The following UBE4B variants were observed in gnomAD, a reference collection of about 807,000 sequenced individuals.
UBE4B encodes the protein ubiquitin conjugation factor E4 B.
In UBE4B, 27 loss-of-function variants were observed where a neutral mutation model predicts 148.1. The observed-to-expected ratio is 0.18, with a 90% CI of 0.13 to 0.25. The LOEUF (loss-of-function observed/expected upper bound fraction) is 0.25. UBE4B is among the 10% of genes least tolerant of loss of function. The pLI, the probability that UBE4B is intolerant of heterozygous loss-of-function variation, is 1.00. For synonymous variants in UBE4B, 596 were observed against 619.3 expected, an observed-to-expected ratio of 0.96 and a Z score of 0.56; for missense variants, 1,170 against 1,662.4, an observed-to-expected ratio of 0.70 and a Z score of 5.15.
At chr1:10,084,475 G>A (rs926378063) in intron 2 of UBE4B, among the ~76,000 whole-genome samples, 3 of 151,912 alleles carry the variant, frequency 2.0e-5, no homozygotes, top group African/African-American at 7.3e-5. Context: ...ATAACCAGTA[G>A]AGATCGTGCC....
chr1:10,072,245 T>G (rs1644499673), intron 2 of UBE4B, 31 bp downstream of exon 2: 3 of 1,558,232 alleles, frequency 1.9e-6, no homozygotes, highest in African/African-American at 2.8e-5. Context: ...TGGGACTCTT[T>G]TGTAATTCTT....
chr1:10,037,015 A>G (rs1010329713), intron 1 of UBE4B, among the ~76,000 whole-genome samples: 3 of 152,080 alleles, frequency 2.0e-5, no homozygotes, highest in Non-Finnish European at 2.9e-5. Context: ...TAGATCACCT[A>G]GAATTCTTGT....
At chr1:10,067,432 C>T (rs1213585308) in intron 1 of UBE4B, among the ~76,000 whole-genome samples, 1 of 151,526 alleles carries the variant, frequency 6.6e-6, no homozygotes, top group African/African-American at 2.4e-5. Context: ...TAAAAAAGGA[C>T]TTTTGTTTAA....
At chr1:10,179,030 A>G (rs991591052) in intron 26 of UBE4B, 1 of 536,802 alleles carries the variant, frequency 1.9e-6, no homozygotes, top group Admixed American at 3.8e-5. Context: ...TTAAAGCCAG[A>G]TAACAACCCT....
rs751566433 is a variant in UBE4B, at chr1:10,153,020, G to C, written c.2926+1459G>C. Among the ~76,000 whole-genome samples, 89 of 151,966 alleles carry C rather than the reference G, an allele frequency of 5.9e-4. 1 individual carries two copies. The highest frequency in any genetic ancestry group is 1.1e-3 in the Non-Finnish European group (75 of 67,956). ...GGGTTGTGCACGGTTGCTAGCTCTG[G>C]GGGTACGAGACAAAGCTGAAAATTG... On this transcript the variant is annotated intron_variant, in intron 21 of 27. Coordinates refer to ENST00000343090, the MANE Select transcript of UBE4B (RefSeq NM_001105562.3).
chr1:10,159,204 T>G (rs1417312335), intron 22 of UBE4B, among the ~76,000 whole-genome samples: 1 of 152,160 alleles, frequency 6.6e-6, no homozygotes, highest in South Asian at 2.1e-4. Flanking sequence ...ATTTAAAGTA[T>G]CATTCTTTGT....
At chr1:10,086,686 G>T (rs976198248) in intron 2 of UBE4B, among the ~76,000 whole-genome samples, 2 of 151,922 alleles carry the variant, frequency 1.3e-5, no homozygotes, top group Non-Finnish European at 2.9e-5. Flanking sequence ...GTGGGATAAG[G>T]TTCCCTCTCT....
chr1:10,075,169 A>G (rs1391803223), intron 2 of UBE4B, among the ~76,000 whole-genome samples: 2 of 152,070 alleles, frequency 1.3e-5, no homozygotes, highest in African/African-American at 4.8e-5. Flanking sequence ...TCTGTAGCAC[A>G]AAAGCAGCCA....
intron 23 of UBE4B, among the ~76,000 whole-genome samples, chr1:10,164,066 C>T (rs1012257947): frequency 6.6e-6 from 1 of 151,778 alleles, no homozygotes; most frequent in African/African-American, 2.4e-5. Flanking sequence ...CTTGACCGGG[C>T]ACAGTGGCTC....
At chr1:10,138,006 C>T (rs566940001) in intron 17 of UBE4B, among the ~76,000 whole-genome samples, 3 of 139,744 alleles carry the variant, frequency 2.1e-5, no homozygotes, top group Non-Finnish European at 3.0e-5. Context: ...ACGATCTCAG[C>T]TCGGTGCAAC....
At chr1:10,047,104 C>T (rs1319474343) in intron 1 of UBE4B, among the ~76,000 whole-genome samples, 1 of 152,134 alleles carries the variant, frequency 6.6e-6, no homozygotes. Flanking sequence ...GTATCTGTGC[C>T]CATGCTGACC....
intron 2 of UBE4B, among the ~76,000 whole-genome samples, chr1:10,090,793 T>TTGTGTG (rs57486350): frequency 0.024 from 3,456 of 141,452 alleles, 62 homozygotes; most frequent in African/African-American, 0.047. Flanking sequence ...GCCTATGCAT[T>TTGTGTG]TGTGTGTGTG....
chr1:10,151,488 G>GT lies in UBE4B; in HGVS notation c.2859dup (p.Glu954Ter), dbSNP rs769362294. The GT allele has an allele frequency of 6.2e-7, 1 of 1,614,170 alleles. No homozygotes were observed. On this transcript the variant is annotated frameshift_variant, in exon 21 of 28. Transcript: ENST00000343090. LOFTEE classifies it high-confidence loss of function. ...CTGCTGTTCAGCCACGAACCCAGAA[G>GT]TTTTTTGAAATGATTGAGAACCATC... is the stretch of plus-strand genomic sequence containing the variant.
intron 2 of UBE4B, among the ~76,000 whole-genome samples, chr1:10,082,432 T>C (rs894035030): frequency 6.6e-6 from 1 of 151,890 alleles, no homozygotes; most frequent in Non-Finnish European, 1.5e-5. Flanking sequence ...ACCTGGGAAG[T>C]AGAGGTAGCA....
Position 10,039,752 on chromosome 1 carries a change from T to C in UBE4B, c.24+6058T>C, listed in dbSNP as rs1029634066. Among the ~76,000 whole-genome samples the C allele has an allele frequency of 4.3e-4, 65 of 152,268 alleles. 1 individual carries two copies. The highest frequency in any genetic ancestry group is 8.3e-4 in the South Asian group (4 of 4,822). On this transcript the variant is annotated intron_variant, in intron 1 of 27. Coordinates refer to ENST00000343090, the MANE Select transcript of UBE4B (RefSeq NM_001105562.3). Reference sequence around the variant, plus strand: ...ACTGCACGTGGCTGAGTTTGAACTTTCTCTGTAAAATGCCTTTTAGGGATT... The same window carrying C: ...ACTGCACGTGGCTGAGTTTGAACTTCCTCTGTAAAATGCCTTTTAGGGATT...
In UBE4B at chr1:10,178,736, G is replaced by C. The variant is rs1646463544; in HGVS notation, c.3618G>C (p.Leu1206=). ...CAATAGCAATAGAAAAATTTAAGCT[G>C]CTCGCCGAGAAAGTGGAGGAGATAG... ...KSTIAIEKFK[L]LAEKVEEIVA... is the part of the protein sequence containing the mutation. The change falls in exon 26 of 28, where the codon CTG becomes CTC. Residue 1206 remains leucine, a synonymous_variant. Transcript: ENST00000343090. 1 of 1,613,936 alleles carries C rather than the reference G, an allele frequency of 6.2e-7. No individual in the cohort carries two copies.
intron 8 of UBE4B, among the ~76,000 whole-genome samples, chr1:10,118,153 A>G (rs1645345692): frequency 1.3e-5 from 2 of 151,742 alleles, no homozygotes; most frequent in Admixed American, 6.6e-5. Flanking sequence ...TTTTCCCATC[A>G]CTTCTCTTGA....
chr1:10,093,217 G>GATTTA (rs1223599582), intron 2 of UBE4B, among the ~76,000 whole-genome samples: 1 of 152,058 alleles, frequency 6.6e-6, no homozygotes, highest in East Asian at 1.9e-4. Flanking sequence ...GTTTATTATT[G>GATTTA]ATTAATTTTA....
At chr1:10,057,724 T>TG (rs1330716008) in intron 1 of UBE4B, among the ~76,000 whole-genome samples, 2 of 147,784 alleles carry the variant, frequency 1.4e-5, no homozygotes, top group Admixed American at 1.4e-4. Flanking sequence ...AACAAGACCC[T>TG]GTCTCACAGA....
Sources: gnomAD v4.1 joint callset for allele counts (sites outside exome capture counted in the v4.1 genomes callset) on GRCh38, gnomAD v4.1.1 for gene constraint, MANE v1.5 for transcripts, NCBI Gene and HGNC (gene_info 2026-07-23, HGNC 2026-07-21) for gene names.